Variants in GULP1 observed in about 807,000 individuals in gnomAD.
GULP1 encodes the protein GULP PTB domain containing engulfment adaptor 1.
GULP1 carries 19 observed loss-of-function variants against 40.9 expected under a neutral mutation model. That is an observed-to-expected ratio of 0.46 (90% CI 0.32 to 0.68). The LOEUF (loss-of-function observed/expected upper bound fraction) is 0.68. Ranked by LOEUF, GULP1 falls within the 30% of genes least tolerant of loss-of-function variation. The probability of loss-of-function intolerance (pLI) is 0.03; values close to 1 mark genes in which losing one functional copy is unlikely to be tolerated. For synonymous variants in GULP1, 119 were observed against 117.6 expected, an observed-to-expected ratio of 1.01 and a Z score of -0.08; for missense variants, 312 against 362.2, an observed-to-expected ratio of 0.86 and a Z score of 1.12.
intron 1 of GULP1, among the ~76,000 whole-genome samples, chr2:188,315,753 A>G (rs1559102343): frequency 6.6e-6 from 1 of 152,136 alleles, no homozygotes; most frequent in Non-Finnish European, 1.5e-5. Context: ...TTTAATTTAT[A>G]AATTAGGCAC....
intron 11 of GULP1, chr2:188,588,462 T>C (rs1173075852): frequency 1.9e-5 from 3 of 157,752 alleles, no homozygotes; most frequent in Non-Finnish European, 4.2e-5. Flanking sequence ...AGTTGGGTTT[T>C]CATTTCTCTC....
intron 1 of GULP1, among the ~76,000 whole-genome samples, chr2:188,377,404 C>T (rs1277640888): frequency 6.6e-6 from 1 of 152,062 alleles, no homozygotes; most frequent in Non-Finnish European, 1.5e-5. Context: ...GCATTTATTT[C>T]TAAATTTACC....
intron 2 of GULP1, among the ~76,000 whole-genome samples, chr2:188,426,949 C>T (rs968411736): frequency 1.1e-4 from 17 of 152,170 alleles, no homozygotes; most frequent in Middle Eastern, 6.8e-3. Context: ...ACAGTGAAGT[C>T]CAGGCTGAGG....
intron 1 of GULP1, among the ~76,000 whole-genome samples, chr2:188,296,340 A>T (rs2034925981): frequency 1.3e-5 from 2 of 152,124 alleles, no homozygotes; most frequent in Non-Finnish European, 2.9e-5. Flanking sequence ...TAAGACTTAG[A>T]AAACAATGCT....
chr2:188,584,290 C>T lies in GULP1; in HGVS notation c.635C>T (p.Pro212Leu). 2 of 1,608,178 alleles carry T rather than the reference C, an allele frequency of 1.2e-6. No individual in the cohort carries two copies. Among genetic ancestry groups the T allele is most frequent in the Non-Finnish European group, 1.7e-6 (2 of 1,175,200 alleles). The change falls in exon 10 of 12, where the codon CCC (proline) becomes CTC (leucine). Residue 212 changes from proline to leucine, a missense_variant. Transcript: ENST00000409830. ...GCAGGCAGTATGACACCTAAGTCGC[C>T]CTCCACTGACATCTTTGATATGATT... ...PPAGSMTPKS[P>L]STDIFDMIPF...
At chr2:188,357,723 A>G (rs1046084398) in intron 1 of GULP1, among the ~76,000 whole-genome samples, 1 of 152,178 alleles carries the variant, frequency 6.6e-6, no homozygotes. Context: ...GAAGATCAGT[A>G]TATTAAAGAG....
At position 188,579,891 on chromosome 2, in the gene GULP1, A is replaced by G. The variant is rs188675957; in HGVS notation, c.610-4374A>G. ...GTTGGTTTTCAGGTACCTAGTAAAG[A>G]ATTTTGGCCAACATATATCCTAAAA... On this transcript the variant is annotated intron_variant, in intron 9 of 11. Coordinates refer to ENST00000409830, the MANE Select transcript of GULP1 (RefSeq NM_016315.4). Among the ~76,000 whole-genome samples, 333 of 152,276 alleles carry G rather than the reference A, an allele frequency of 2.2e-3. 7 individuals are homozygous for G. The highest frequency in any genetic ancestry group is 9.0e-4 in the Non-Finnish European group (61 of 68,018).
intron 1 of GULP1, among the ~76,000 whole-genome samples, chr2:188,379,145 C>G (rs1459060303): frequency 6.6e-6 from 1 of 152,068 alleles, no homozygotes; most frequent in South Asian, 2.1e-4. Context: ...ATTTCCTGCC[C>G]TTGAGAGCTT....
At chr2:188,441,256 C>G (rs1429947905) in intron 2 of GULP1, among the ~76,000 whole-genome samples, 1 of 152,172 alleles carries the variant, frequency 6.6e-6, no homozygotes, top group African/African-American at 2.4e-5. Context: ...TCAAATCTCC[C>G]AGCACATATA....
In GULP1 at chr2:188,305,281, C is replaced by T. The variant is rs369620082; in HGVS notation, c.-172+13115C>T. ...CCTGGGTGGGCCACCCTCCAAGAAC[C>T]TCTACATGTTCAGCTATCCAGAAGG... On this transcript the variant is annotated intron_variant, in intron 1 of 11. Transcript: ENST00000409830. 3.0e-4 allele frequency among the ~76,000 whole-genome samples: 46 copies of T among 152,302 alleles called. No individual in the cohort carries two copies. The East Asian group carries it at 3.5e-3, about 12-fold the overall frequency.
intron 4 of GULP1, among the ~76,000 whole-genome samples, chr2:188,506,428 T>C (rs2063923419): frequency 6.6e-6 from 1 of 151,976 alleles, no homozygotes; most frequent in Non-Finnish European, 1.5e-5. Flanking sequence ...TATGGAGCAA[T>C]TTAATTTTAG....
At chr2:188,458,314 G>A (rs2059429657) in intron 2 of GULP1, among the ~76,000 whole-genome samples, 1 of 151,994 alleles carries the variant, frequency 6.6e-6, no homozygotes, top group South Asian at 2.1e-4. Context: ...TTTCCAATCA[G>A]CATAAATACA....
At chr2:188,532,753 T>TG (rs1553588776) in intron 6 of GULP1, among the ~76,000 whole-genome samples, 9 of 125,794 alleles carry the variant, frequency 7.2e-5, no homozygotes, top group Non-Finnish European at 1.3e-4. Flanking sequence ...CTGTCTCTAC[T>TG]AAAAAAAAAA....
At chr2:188,528,443 C>A (rs190774029) in intron 5 of GULP1, among the ~76,000 whole-genome samples, 1 of 151,830 alleles carries the variant, frequency 6.6e-6, no homozygotes, top group Non-Finnish European at 1.5e-5. Context: ...ATCGAACAAG[C>A]ATTTACATAC....
chr2:188,330,443 C>T (rs1423000455), intron 1 of GULP1, among the ~76,000 whole-genome samples: 1 of 152,096 alleles, frequency 6.6e-6, no homozygotes, highest in African/African-American at 2.4e-5. Context: ...TCCTGCCAAA[C>T]AGAATTAAAT....
chr2:188,541,417 T>C (rs765130625), intron 7 of GULP1, 99 bp downstream of exon 7: 16 of 990,736 alleles, frequency 1.6e-5, no homozygotes, highest in Non-Finnish European at 2.3e-5. Context: ...TGAATAATTT[T>C]CTGTAAATTA....
intron 2 of GULP1, among the ~76,000 whole-genome samples, chr2:188,428,513 A>T (rs985417039): frequency 2.0e-5 from 3 of 152,050 alleles, no homozygotes; most frequent in African/African-American, 7.2e-5. Flanking sequence ...GGTTTAACGT[A>T]ATTTTCCTAG....
chr2:188,590,139 A>G (rs1703231683), intron 11 of GULP1: 2 of 152,890 alleles, frequency 1.3e-5, no homozygotes. Context: ...CGCGTGGCTA[A>G]TTTTTGTATT....
chr2:188,318,028 T>C (rs2106521791), intron 1 of GULP1, among the ~76,000 whole-genome samples: 1 of 152,154 alleles, frequency 6.6e-6, no homozygotes, highest in East Asian at 1.9e-4. Flanking sequence ...AATTGATGAG[T>C]GAAAAAACTT....
Sources: allele counts gnomAD v4.1 joint callset (sites outside exome capture counted in the v4.1 genomes callset), GRCh38; gene constraint gnomAD v4.1.1; transcripts MANE v1.5; gene names NCBI Gene and HGNC (gene_info 2026-07-23, HGNC 2026-07-21).